SRGAP3: variants seen among roughly 807,000 people sequenced by gnomAD.
The protein encoded by SRGAP3 is SLIT-ROBO Rho GTPase-activating protein 3.
Under a neutral mutation model 121.1 loss-of-function variants are expected in SRGAP3, and 39 were observed. The observed-to-expected ratio is 0.32, with a 90% CI of 0.25 to 0.42. The LOEUF (loss-of-function observed/expected upper bound fraction) is 0.42. Among genes scored for constraint, SRGAP3 ranks in the 10% least tolerant of loss-of-function variants. The pLI is 1.00. For missense variants in SRGAP3, 1,213 were observed against 1,470.6 expected (o/e 0.82, Z 2.86); for synonymous variants, 601 against 570.0 (o/e 1.05, Z -0.77).
At chr3:9,268,366 G>A (rs1241625475) in intron 3 of SRGAP3, among the ~76,000 whole-genome samples, 1 of 151,730 alleles carries the variant, frequency 6.6e-6, no homozygotes, top group African/African-American at 2.4e-5. Context: ...TCTGCCATAT[G>A]AGGACACAGT....
intron 1 of SRGAP3, among the ~76,000 whole-genome samples, chr3:9,152,621 C>T (rs1305804954): frequency 2.0e-5 from 3 of 152,304 alleles, no homozygotes; most frequent in Non-Finnish European, 2.9e-5. Flanking sequence ...GAGAGACGAG[C>T]AGTGTGGCCT....
intron 1 of SRGAP3, among the ~76,000 whole-genome samples, chr3:9,243,831 T>C (rs1026704182): frequency 1.3e-5 from 2 of 152,202 alleles, no homozygotes; most frequent in Non-Finnish European, 2.9e-5. Context: ...CTAAAACTGT[T>C]CTACCGACAT....
In SRGAP3 at chr3:9,013,780, C is replaced by T. The variant is rs547978979; in HGVS notation, c.1876G>A (p.Val626Met). The T allele has an allele frequency of 5.0e-5, 81 of 1,614,178 alleles. No individual in the cohort carries two copies. Among genetic ancestry groups the T allele is most frequent in the Non-Finnish European group, 6.2e-5 (73 of 1,180,030 alleles). ...IQQILVTLPR[V>M]VIVVMRYLFA... Reference sequence around the variant, plus strand: ...AGGTATCTCATGACCACAATGACCACGCGGGGAAGGGTGACGAGGATTTGT... The same window carrying T: ...AGGTATCTCATGACCACAATGACCATGCGGGGAAGGGTGACGAGGATTTGT... Residue 626 changes from valine to methionine, a missense_variant, in exon 16 of 22, where the codon GTG becomes ATG. Coordinates refer to ENST00000383836, the MANE Select transcript of SRGAP3 (RefSeq NM_014850.4).
intron 1 of SRGAP3, among the ~76,000 whole-genome samples, chr3:9,331,334 T>C (rs77454489): frequency 0.029 from 4,398 of 152,316 alleles, 139 homozygotes; most frequent in South Asian, 0.13. Context: ...TTATTATTCC[T>C]ACTTTAAAGA....
rs953053584 is a variant in SRGAP3 at position 8,993,039 on chromosome 3, C to G, written c.2425G>C (p.Asp809His). The G allele has an allele frequency of 6.2e-7, 1 of 1,614,154 alleles. No homozygotes were observed. The highest frequency in any genetic ancestry group is 1.1e-5 in the South Asian group (1 of 91,088). ...VVQDMDDAFSDSLSQKADSEA... is the reference protein window; with the variant it reads ...VVQDMDDAFSHSLSQKADSEA... ...CTGTCAGCCTTCTGGCTCAGGCTGT[C>G]GGAGAAGGCATCATCCCTGGGGAGA... is the stretch of plus-strand genomic sequence containing the variant. Residue 809 changes from aspartate to histidine, a missense_variant, in exon 20 of 22, where the codon GAC (aspartate) becomes CAC (histidine). Physicochemically the swap from Asp to His is moderately conservative, Grantham distance 81. Transcript: ENST00000383836.
At chr3:9,185,981 C>A (rs973032094) in intron 1 of SRGAP3, among the ~76,000 whole-genome samples, 5 of 152,164 alleles carry the variant, frequency 3.3e-5, no homozygotes, top group Non-Finnish European at 7.3e-5. Context: ...ACAGGGTTAG[C>A]AAGGATAACC....
intron 3 of SRGAP3, among the ~76,000 whole-genome samples, chr3:9,319,289 C>T (rs1955402307): frequency 6.6e-6 from 1 of 151,856 alleles, no homozygotes; most frequent in East Asian, 1.9e-4. Flanking sequence ...TTAGCTTGTC[C>T]TCCAAAAGAG....
intron 4 of SRGAP3, among the ~76,000 whole-genome samples, chr3:9,074,580 G>A (rs1946869689): frequency 1.3e-5 from 2 of 152,216 alleles, no homozygotes; most frequent in Non-Finnish European, 2.9e-5. Flanking sequence ...TGAAGCTGTG[G>A]GGCTGTACCT....
At position 9,262,534 on chromosome 3, in the gene SRGAP3, C is replaced by CAAAAAAAAAAAAAA. The variant is rs765408588; in HGVS notation, n.442+63462_442+63475dup. Among the ~76,000 whole-genome samples, 224 of 25,558 alleles carry CAAAAAAAAAAAAAA rather than the reference C, an allele frequency of 8.8e-3. 35 individuals are homozygous for CAAAAAAAAAAAAAA. The highest frequency in any genetic ancestry group is 0.013 in the Non-Finnish European group (167 of 13,260). The allele number at this position is 25,558 out of a possible 152,430, so 16.8% of individuals were successfully genotyped here. A position where few individuals can be genotyped will look rare whatever the true frequency, so the allele number is the denominator to read the frequency against. ...GAAGATTTACCAAGCAAATGGAAAG[C>CAAAAAAAAAAAAAA]AAAAAAAAAAAAAAAAAAAAAAGCA... On this transcript the variant is annotated intron_variant and non_coding_transcript_variant, in intron 3 of 3. Transcript: ENST00000490889.
At position 9,242,201 on chromosome 3, in the gene SRGAP3, A is replaced by C. The variant is rs188341658; in HGVS notation, c.67+6684T>G. 1.4e-4 allele frequency among the ~76,000 whole-genome samples: 21 copies of C among 152,282 alleles called. No individual in the cohort carries two copies. In the East Asian group the frequency reaches 4.1e-3, roughly 29 times the overall value. ...AAAGGCAGCTGTCTACAAGCCAGGA[A>C]GCAGGCCGTCACCAGGAACTGAACT... On this transcript the variant is annotated intron_variant, in intron 1 of 21. Coordinates refer to ENST00000383836, the MANE Select transcript of SRGAP3 (RefSeq NM_014850.4).
In SRGAP3 at chr3:9,195,911, A is replaced by G. The variant is rs139283967; in HGVS notation, c.67+52974T>C. 4.7e-3 allele frequency among the ~76,000 whole-genome samples: 714 copies of G among 152,266 alleles called. 4 individuals are homozygous for G. The highest frequency in any genetic ancestry group is 0.016 in the African/African-American group (681 of 41,550). ...TTTGAGGCTACAGTGAGCCATGATC[A>G]CACCATTGCACTCCAACCTGGGTGA... On this transcript the variant is annotated intron_variant, in intron 1 of 21. Coordinates refer to ENST00000383836, the MANE Select transcript of SRGAP3 (RefSeq NM_014850.4).
In SRGAP3 at chr3:8,981,249, A is replaced by G. The variant is rs1172443216; in HGVS notation, c.*4270T>C. ...ACCCCAGAGAACCGGGGAAGTTGAC[A>G]TGAAATGTCAGCATTAGCTCTGCAC... On this transcript the variant is annotated 3_prime_UTR_variant, in exon 22 of 22. Coordinates refer to ENST00000383836, the MANE Select transcript of SRGAP3 (RefSeq NM_014850.4). 1 of 232,794 alleles carries G rather than the reference A, an allele frequency of 4.3e-6. No homozygotes were observed. The highest frequency in any genetic ancestry group is 8.5e-6 in the Non-Finnish European group (1 of 117,852). The allele number at this position is 232,794 out of a possible 1,614,324, so 14.4% of individuals were successfully genotyped here. A position where few individuals can be genotyped will look rare whatever the true frequency, so the allele number is the denominator to read the frequency against.
At chr3:9,050,326 T>C (rs1945506688) in intron 9 of SRGAP3, among the ~76,000 whole-genome samples, 1 of 152,250 alleles carries the variant, frequency 6.6e-6, no homozygotes, top group African/African-American at 2.4e-5. Context: ...CGTGTCTCAC[T>C]GCTCCAAGAA....
intron 1 of SRGAP3, among the ~76,000 whole-genome samples, chr3:9,228,837 T>C (rs1008153215): frequency 3.4e-5 from 5 of 147,348 alleles, no homozygotes; most frequent in Non-Finnish European, 7.5e-5. Flanking sequence ...CCGAGGCGGG[T>C]GGATCATGAG....
intron 1 of SRGAP3, among the ~76,000 whole-genome samples, chr3:9,229,050 C>G (rs551609475): frequency 5.8e-4 from 69 of 119,116 alleles, no homozygotes; most frequent in African/African-American, 2.3e-3. Context: ...GCCTGGGCGA[C>G]AGAGCGAGAC....
At chr3:9,057,134 G>A (rs1945864095) in intron 7 of SRGAP3, among the ~76,000 whole-genome samples, 1 of 151,846 alleles carries the variant, frequency 6.6e-6, no homozygotes, top group Admixed American at 6.6e-5. Flanking sequence ...TCACCATGTT[G>A]GCCAGGCTGG....
intron 11 of SRGAP3, chr3:9,037,739 C>G (rs1944822255): frequency 4.6e-6 from 2 of 437,148 alleles, no homozygotes; most frequent in African/African-American, 4.0e-5. Context: ...AGCCTCTGGC[C>G]CCTACAGGCT....
intron 3 of SRGAP3, among the ~76,000 whole-genome samples, chr3:9,320,520 T>C (rs1235175402): frequency 6.6e-6 from 1 of 151,898 alleles, no homozygotes; most frequent in Non-Finnish European, 1.5e-5. Context: ...TCCTGCCATG[T>C]GAGACGACTC....
intron 1 of SRGAP3, among the ~76,000 whole-genome samples, chr3:9,185,470 G>T (rs941700403): frequency 7.2e-5 from 11 of 152,190 alleles, no homozygotes; most frequent in Admixed American, 3.3e-4. Flanking sequence ...GCACCCCTTT[G>T]TTGGGGTGGG....
Sources: gnomAD v4.1 joint callset for allele counts (sites outside exome capture counted in the v4.1 genomes callset) on GRCh38, gnomAD v4.1.1 for gene constraint, MANE v1.5 for transcripts, NCBI Gene and HGNC (gene_info 2026-07-23, HGNC 2026-07-21) for gene names.